The following ANO4 variants were observed in gnomAD, a reference collection of about 807,000 sequenced individuals.
ANO4 encodes the protein anoctamin 4.
ANO4 carries 69 observed loss-of-function variants against 141.9 expected under a neutral mutation model. The ratio of observed to expected loss-of-function variants is 0.49; its 90% confidence interval spans 0.40 to 0.59. ANO4 has a LOEUF of 0.59. Among genes scored for constraint, ANO4 ranks in the 20% least tolerant of loss-of-function variants. ANO4 has a pLI of 0.00. For synonymous variants in ANO4, 350 were observed against 394.3 expected, an observed-to-expected ratio of 0.89 and a Z score of 1.33; for missense variants, 894 against 1,162.2, an observed-to-expected ratio of 0.77 and a Z score of 3.36.
intron 3 of ANO4, among the ~76,000 whole-genome samples, chr12:100,780,888 G>T (rs1428429470): frequency 6.6e-6 from 1 of 151,976 alleles, no homozygotes; most frequent in South Asian, 2.1e-4. Context: ...GGAATCTGTT[G>T]GTCATTGTTT....
intron 9 of ANO4, among the ~76,000 whole-genome samples, chr12:101,023,297 T>C (rs1033105649): frequency 2.6e-5 from 4 of 152,232 alleles, no homozygotes; most frequent in East Asian, 3.8e-4. Context: ...GTATTGTTGC[T>C]AGTCAGAAAG....
At chr12:100,976,859 GATACTGTTTCAGT>G (rs2044216335) in intron 7 of ANO4, among the ~76,000 whole-genome samples, 1 of 152,234 alleles carries the variant, frequency 6.6e-6, no homozygotes, top group South Asian at 2.1e-4. Flanking sequence ...GTTTGTACAT[GATACTGTTTCAGT>G]ATTCTAGATT....
At chr12:100,956,331 C>T (rs1165245321) in intron 5 of ANO4, among the ~76,000 whole-genome samples, 1 of 152,186 alleles carries the variant, frequency 6.6e-6, no homozygotes, top group Non-Finnish European at 1.5e-5. Context: ...TGTTTTTCAG[C>T]TCCATTCTTC....
At chr12:101,118,588 A>G (rs1298928299) in intron 25 of ANO4, among the ~76,000 whole-genome samples, 1 of 152,206 alleles carries the variant, frequency 6.6e-6, no homozygotes, top group Non-Finnish European at 1.5e-5. Context: ...CACCTTCTCA[A>G]ATACATTAAT....
At chr12:100,751,944 G>A (rs2032402616) in intron 3 of ANO4, among the ~76,000 whole-genome samples, 1 of 152,166 alleles carries the variant, frequency 6.6e-6, no homozygotes, top group Non-Finnish European at 1.5e-5. Context: ...TTGGAATGTG[G>A]AATAGGAGAC....
chr12:101,072,033 G>GA (rs2048833430), intron 14 of ANO4, among the ~76,000 whole-genome samples: 1 of 152,174 alleles, frequency 6.6e-6, no homozygotes, highest in East Asian at 1.9e-4. Flanking sequence ...ATGTTTTCCA[G>GA]AAAAACCCTA....
chr12:101,013,661 TAATC>T (rs1363406451), intron 8 of ANO4, among the ~76,000 whole-genome samples: 1 of 152,222 alleles, frequency 6.6e-6, no homozygotes, highest in Non-Finnish European at 1.5e-5. Flanking sequence ...ATTTAATTTT[TAATC>T]AATTAAAATT....
intron 1 of ANO4, among the ~76,000 whole-genome samples, chr12:100,811,549 CA>C (rs896484702): frequency 2.0e-5 from 3 of 152,134 alleles, no homozygotes; most frequent in Non-Finnish European, 4.4e-5. Flanking sequence ...AGTTCCCCTG[CA>C]AAATTGATGT....
At chr12:100,792,381 A>G (rs1181693815), upstream of ANO4, among the ~76,000 whole-genome samples, 1 of 152,216 alleles carries the variant, frequency 6.6e-6, no homozygotes, top group African/African-American at 2.4e-5. Flanking sequence ...TGGCCATTCA[A>G]ATGGCCATCG....
At chr12:100,963,656 T>A (rs1034431101) in intron 5 of ANO4, among the ~76,000 whole-genome samples, 23 of 152,168 alleles carry the variant, frequency 1.5e-4, no homozygotes, top group African/African-American at 5.5e-4. Context: ...CGTGCCCTCA[T>A]TTTTTAGAGA....
At chr12:100,834,560 A>G (rs1019802341) in intron 1 of ANO4, among the ~76,000 whole-genome samples, 5 of 152,142 alleles carry the variant, frequency 3.3e-5, no homozygotes, top group African/African-American at 1.2e-4. Flanking sequence ...ATATACATGT[A>G]CCAACATTTA....
intron 7 of ANO4, among the ~76,000 whole-genome samples, chr12:100,975,430 T>TC: frequency 6.6e-6 from 1 of 150,956 alleles, no homozygotes; most frequent in East Asian, 1.9e-4. Flanking sequence ...TTTCTTTCTT[T>TC]TTTTTTTTTG....
chr12:100,771,556 G>T, intron 3 of ANO4, among the ~76,000 whole-genome samples: 1 of 152,176 alleles, frequency 6.6e-6, no homozygotes, highest in South Asian at 2.1e-4. Flanking sequence ...AGACATGAGG[G>T]CTATCTCACT....
intron 15 of ANO4, among the ~76,000 whole-genome samples, chr12:101,080,007 C>T (rs1219429104): frequency 6.6e-6 from 1 of 152,252 alleles, no homozygotes; most frequent in Non-Finnish European, 1.5e-5. Flanking sequence ...GTCCAGGCCT[C>T]AGCCCCACTC....
At chr12:100,990,646 G>A (rs1286742391) in intron 8 of ANO4, among the ~76,000 whole-genome samples, 1 of 152,168 alleles carries the variant, frequency 6.6e-6, no homozygotes, top group Non-Finnish European at 1.5e-5. Flanking sequence ...GGACCCTGGT[G>A]TAGTAAAGAT....
In ANO4 at chr12:100,939,332, A is replaced by T. The variant is rs780679990; in HGVS notation, c.178A>T (p.Ile60Phe). Reference protein sequence around the residue: ...AIQEMAKDVNILFDELEAVSS... With the variant: ...AIQEMAKDVNFLFDELEAVSS... ...GGTTCTAGTGGCCAAGGATGTCAAT[A>T]TTCTTTTTGATGAATTAGAAGCTGT... The change falls in exon 4 of 28, where the codon ATT becomes TTT. Residue 60 changes from isoleucine (I) to phenylalanine (F), a missense_variant. By Grantham distance (21) the Ile-to-Phe change is conservative. Coordinates refer to ENST00000392977, the MANE Select transcript of ANO4 (RefSeq NM_001286615.2). 3 of 1,613,376 alleles carry T rather than the reference A, an allele frequency of 1.9e-6. No homozygotes were observed. The highest frequency in any genetic ancestry group is 2.5e-6 in the Non-Finnish European group (3 of 1,179,460).
chr12:100,748,582 A>G (rs1285356517), intron 3 of ANO4, among the ~76,000 whole-genome samples: 1 of 152,258 alleles, frequency 6.6e-6, no homozygotes, highest in Non-Finnish European at 1.5e-5. Context: ...GGTTTCTTCT[A>G]GAGAACATAG....
At chr12:101,070,005 AAG>A (rs752337961) in intron 14 of ANO4, among the ~76,000 whole-genome samples, 2 of 152,122 alleles carry the variant, frequency 1.3e-5, no homozygotes, top group Non-Finnish European at 2.9e-5. Flanking sequence ...TACTAAAAAA[AAG>A]AAATTGAAGA....
Position 101,107,390 on chromosome 12 carries a change from C to T in ANO4, c.2150-3014C>T, listed in dbSNP as rs546089792. 1.1e-4 allele frequency among the ~76,000 whole-genome samples: 16 copies of T among 152,092 alleles called. No individual in the cohort carries two copies. The East Asian group carries it at 1.2e-3, about 11-fold the overall frequency. ...ACTGCAAAAGGGGAAAAAGGCAAAA[C>T]GCCGTAAAATCAAGACAAAGTAAGT... On this transcript the variant is annotated intron_variant, in intron 22 of 27. Transcript: ENST00000392977.
Sources: gnomAD v4.1 joint callset for allele counts (sites outside exome capture counted in the v4.1 genomes callset) on GRCh38, gnomAD v4.1.1 for gene constraint, MANE v1.5 for transcripts, NCBI Gene and HGNC (gene_info 2026-07-23, HGNC 2026-07-21) for gene names.